Variants in ZNF100 observed in about 807,000 individuals in gnomAD.
ZNF100 encodes the protein zinc finger protein 100 (Y1).
A neutral mutation model predicts 15.8 loss-of-function variants in ZNF100; 12 were observed. That is an observed-to-expected ratio of 0.76 (90% CI 0.49 to 1.23). The LOEUF is 1.23. Ranked by LOEUF, ZNF100 falls within the 50% of genes most tolerant of loss-of-function variation. The pLI is 0.00. For missense variants in ZNF100, 670 were observed against 635.6 expected, an observed-to-expected ratio of 1.05 and a Z score of -0.58; for synonymous variants, 226 against 214.8, an observed-to-expected ratio of 1.05 and a Z score of -0.45.
chr19:21,757,687 A>G (rs1228800368), intron 2 of ZNF100, among the ~76,000 whole-genome samples: 1 of 152,220 alleles, frequency 6.6e-6, no homozygotes, highest in East Asian at 1.9e-4. Context: ...ACTGTTTACA[A>G]TAACAAAGAC....
intron 2 of ZNF100, among the ~76,000 whole-genome samples, chr19:21,762,429 AT>A (rs2036496781): frequency 6.6e-6 from 1 of 152,206 alleles, no homozygotes; most frequent in Non-Finnish European, 1.5e-5. Context: ...ATATATTGCC[AT>A]TCTACTCCTT....
intron 4 of ZNF100, among the ~76,000 whole-genome samples, chr19:21,731,935 A>G (rs1312973983): frequency 6.6e-6 from 1 of 152,208 alleles, no homozygotes; most frequent in Non-Finnish European, 1.5e-5. Flanking sequence ...TATAATTAAG[A>G]GGAATAAACA....
At position 21,767,468 on chromosome 19, in the gene ZNF100, A is replaced by C; in HGVS notation, c.-39T>G. 1 of 1,613,692 alleles carries C rather than the reference A, an allele frequency of 6.2e-7. No individual in the cohort carries two copies. Among genetic ancestry groups the C allele is most frequent in the Non-Finnish European group, 8.5e-7 (1 of 1,179,816 alleles). The stretch of plus-strand genomic sequence containing the variant: ...GGGGGTCCTGGCGTCTTAGCTGTGG[A>C]TCTCCCAATATCTGCAGGTCAGAGG... On this transcript the variant is annotated 5_prime_UTR_variant, in exon 1 of 5. Transcript: ENST00000358296.
chr19:21,758,913 C>A (rs1401902994), intron 2 of ZNF100, among the ~76,000 whole-genome samples: 1 of 152,152 alleles, frequency 6.6e-6, no homozygotes, highest in Non-Finnish European at 1.5e-5. Context: ...GAGCCTCCCA[C>A]TCCAAGACAC....
At chr19:21,744,650 G>C (rs910104467) in intron 3 of ZNF100, among the ~76,000 whole-genome samples, 1 of 152,120 alleles carries the variant, frequency 6.6e-6, no homozygotes, top group Non-Finnish European at 1.5e-5. Context: ...TATTACAGGA[G>C]TGAGCCACCA....
chr19:21,745,192 T>C, intron 2 of ZNF100, 125 bp from the exon 3 acceptor site: 3 of 1,413,082 alleles, frequency 2.1e-6, no homozygotes, highest in Non-Finnish European at 2.8e-6. Context: ...AAATGACAAA[T>C]TTTCCAATAA....
chr19:21,739,299 T>C (rs1360767272), intron 4 of ZNF100, among the ~76,000 whole-genome samples: 1 of 152,248 alleles, frequency 6.6e-6, no homozygotes, highest in African/African-American at 2.4e-5. Flanking sequence ...CTGATACGCA[T>C]AATTTCAACA....
At position 21,744,070 on chromosome 19, in the gene ZNF100, T is replaced by G; in HGVS notation, c.269A>C (p.Gln90Pro). The G allele has an allele frequency of 6.2e-7, 1 of 1,612,566 alleles. No individual in the cohort carries two copies. The highest frequency in any genetic ancestry group is 8.5e-7 in the Non-Finnish European group (1 of 1,179,506). The change falls in exon 4 of 5, where the codon CAA becomes CCA. Residue 90 changes from glutamine to proline, a missense_variant. Coordinates refer to ENST00000358296, the MANE Select transcript of ZNF100 (RefSeq NM_173531.4). ...CTTTATATTCCAGGGCTCTTTTCCT[T>G]GCTCCAGACAGGTGATCAGGTCTGG... ...TKPDLITCLEQGKEPWNIKRH... is the reference protein window; with the variant it reads ...TKPDLITCLEPGKEPWNIKRH...
intron 4 of ZNF100, among the ~76,000 whole-genome samples, chr19:21,739,070 A>C (rs2036061753): frequency 6.6e-6 from 1 of 152,214 alleles, no homozygotes; most frequent in Non-Finnish European, 1.5e-5. Flanking sequence ...CCCATGACCT[A>C]AACACCTCCC....
chr19:21,722,914 T>C lies in ZNF100; in HGVS notation c.*3769A>G, dbSNP rs985239084. On this transcript the variant is annotated 3_prime_UTR_variant, in exon 5 of 5. Coordinates refer to ENST00000358296, the MANE Select transcript of ZNF100 (RefSeq NM_173531.4). ...TTTTATGTTTGCCACACTTTAAGAATCTAATTTTTTTTTTAACAAAGAACA... is the reference window on the plus strand; with the variant it reads ...TTTTATGTTTGCCACACTTTAAGAACCTAATTTTTTTTTTAACAAAGAACA... 9 of 151,718 alleles carry C rather than the reference T, an allele frequency of 5.9e-5. No homozygotes were observed. Among genetic ancestry groups the C allele is most frequent in the Middle Eastern group, 3.4e-3 (1 of 292 alleles). 9.4% of individuals were successfully genotyped at this position (151,718 alleles called of 1,614,324 possible). A position where few individuals can be genotyped will look rare whatever the true frequency, so the allele number is the denominator to read the frequency against.
At chr19:21,731,003 A>G (rs2035907002) in intron 4 of ZNF100, among the ~76,000 whole-genome samples, 1 of 152,178 alleles carries the variant, frequency 6.6e-6, no homozygotes, top group African/African-American at 2.4e-5. Flanking sequence ...TTTTTGAGAA[A>G]CTAGAAACAA....
At chr19:21,750,273 A>G (rs2036279860) in intron 2 of ZNF100, among the ~76,000 whole-genome samples, 1 of 152,250 alleles carries the variant, frequency 6.6e-6, no homozygotes, top group Admixed American at 6.5e-5. Flanking sequence ...CCAGATGTAC[A>G]AAGAAGAGCT....
intron 2 of ZNF100, among the ~76,000 whole-genome samples, chr19:21,763,926 T>C (rs935625015): frequency 1.3e-5 from 2 of 152,178 alleles, no homozygotes; most frequent in African/African-American, 2.4e-5. Context: ...TTTAAATAAA[T>C]TGAACTTGGT....
At chr19:21,747,605 G>C (rs1050919060) in intron 2 of ZNF100, among the ~76,000 whole-genome samples, 19 of 150,332 alleles carry the variant, frequency 1.3e-4, no homozygotes, top group Admixed American at 1.3e-3. Context: ...GCACCGCACA[G>C]AGTCCCTGAC....
chr19:21,744,614 C>T (rs578031094), intron 3 of ZNF100, among the ~76,000 whole-genome samples: 1 of 152,240 alleles, frequency 6.6e-6, no homozygotes, highest in Admixed American at 6.5e-5. Flanking sequence ...TCGTGACCCG[C>T]CTGCCTCAGC....
intron 2 of ZNF100, among the ~76,000 whole-genome samples, chr19:21,758,524 C>A (rs2036428995): frequency 6.6e-6 from 1 of 152,172 alleles, no homozygotes; most frequent in African/African-American, 2.4e-5. Flanking sequence ...TGGGTCCATG[C>A]AGGCAGAGAA....
At chr19:21,728,853 A>C in intron 4 of ZNF100, among the ~76,000 whole-genome samples, 1 of 151,446 alleles carries the variant, frequency 6.6e-6, no homozygotes, top group South Asian at 2.1e-4. Flanking sequence ...AATAATACTC[A>C]GTGAGTGAAA....
intron 2 of ZNF100, chr19:21,752,938 T>A (rs2036333770): frequency 6.6e-6 from 1 of 152,246 alleles, no homozygotes; most frequent in Non-Finnish European, 1.5e-5. Flanking sequence ...CTTCCTGGCT[T>A]CGCGCCATCC....
At chr19:21,764,235 A>G (rs2036525353) in intron 2 of ZNF100, among the ~76,000 whole-genome samples, 1 of 152,218 alleles carries the variant, frequency 6.6e-6, no homozygotes, top group Non-Finnish European at 1.5e-5. Context: ...TTTCCATGTT[A>G]AGAGTTATTC....
Sources: allele counts gnomAD v4.1 joint callset (sites outside exome capture counted in the v4.1 genomes callset), GRCh38; gene constraint gnomAD v4.1.1; transcripts MANE v1.5; gene names NCBI Gene and HGNC (gene_info 2026-07-23, HGNC 2026-07-21).